Variants in TTC14 observed in about 807,000 individuals in gnomAD.
TTC14 encodes the protein tetratricopeptide repeat protein 14.
A neutral mutation model predicts 79.9 loss-of-function variants in TTC14; 63 were observed. That is an observed-to-expected ratio of 0.79 (90% CI 0.64 to 0.97). The LOEUF (loss-of-function observed/expected upper bound fraction) is 0.97, where lower values mean the gene tolerates loss of function less well. Ranked by LOEUF, TTC14 falls within the 50% of genes least tolerant of loss-of-function variation. The probability of loss-of-function intolerance (pLI) is 0.00; values close to 1 mark genes in which losing one functional copy is unlikely to be tolerated. For synonymous variants in TTC14, 335 were observed against 309.6 expected, an observed-to-expected ratio of 1.08 and a Z score of -0.86; for missense variants, 895 against 894.0, an observed-to-expected ratio of 1.00 and a Z score of -0.01.
rs758347332 is a variant in TTC14 at position 180,610,040 on chromosome 3, A to C, written c.1811A>C (p.Tyr604Ser). The change falls in exon 12 of 12, where the codon TAT becomes TCT. Residue 604 changes from tyrosine (Y) to serine (S), a missense_variant. Physicochemically the swap from Tyr to Ser is moderately radical, Grantham distance 144. Transcript: ENST00000296015. ...GATCCAAGAGATTTTTATAACAGCT[A>C]TAAAACCCAAGCAGGTAGTAGCAAA... ...SEDPRDFYNS[Y>S]KTQAGSSKTE... 3 of 1,614,092 alleles carry C rather than the reference A, an allele frequency of 1.9e-6. No homozygotes were observed. The highest frequency in any genetic ancestry group is 2.2e-5 in the South Asian group (2 of 91,080).
rs763931256 is a variant in TTC14 at position 180,604,864 on chromosome 3, G to A, written c.714G>A (p.Glu238=). ...GTATTTTTTTAAGGAGAAGTGTTGAGCTAAATAGCAATTCTTTGGAGTCCT... is the reference window on the plus strand; with the variant it reads ...GTATTTTTTTAAGGAGAAGTGTTGAACTAAATAGCAATTCTTTGGAGTCCT... ...ELPLYYRRSV[E]LNSNSLESYE... Residue 238 remains glutamate, a synonymous_variant, in exon 6 of 12, where the codon GAG becomes GAA. Transcript: ENST00000296015. 1 of 1,610,282 alleles carries A rather than the reference G, an allele frequency of 6.2e-7. No individual in the cohort carries two copies. Among genetic ancestry groups the A allele is most frequent in the Non-Finnish European group, 8.5e-7 (1 of 1,178,836 alleles).
At chr3:180,605,949 C>T (rs1339504093) in intron 7 of TTC14, 112 bp downstream of exon 7, 4 of 1,093,220 alleles carry the variant, frequency 3.7e-6, no homozygotes, top group Non-Finnish European at 5.3e-6. Flanking sequence ...AAAGTGATGC[C>T]TTTTTGACAT....
intron 3 of TTC14, 121 bp from the exon 4 acceptor site, chr3:180,604,104 A>G (rs774556513): frequency 1.2e-6 from 1 of 820,936 alleles, no homozygotes; most frequent in Non-Finnish European, 2.0e-6. Flanking sequence ...ATCCTTATTT[A>G]AATTTTTACT....
At chr3:180,603,382 A>C (rs752687780) in intron 3 of TTC14, 59 bp downstream of exon 3, 1 of 1,401,294 alleles carries the variant, frequency 7.1e-7, no homozygotes, top group Admixed American at 1.7e-5. Flanking sequence ...TCAATGCAAG[A>C]ACTATATCTT....
intron 9 of TTC14, among the ~76,000 whole-genome samples, chr3:180,607,119 T>C (rs1716741887): frequency 6.6e-6 from 1 of 152,180 alleles, no homozygotes; most frequent in East Asian, 1.9e-4. Flanking sequence ...TAGTAATTTC[T>C]TTTTCCTTCT....
chr3:180,602,622 TG>T, intron 1 of TTC14, 200 bp downstream of exon 1: 1 of 752,830 alleles, frequency 1.3e-6, no homozygotes, highest in Non-Finnish European at 2.1e-6. Flanking sequence ...ACTTTTTCTC[TG>T]GCACTGCTTG....
At chr3:180,602,540 A>T (rs746452364) in intron 1 of TTC14, 118 bp downstream of exon 1, 15 of 1,346,980 alleles carry the variant, frequency 1.1e-5, no homozygotes, top group African/African-American at 1.5e-5. Context: ...GCACAGGACG[A>T]TCGCGCGCTG....
At position 180,604,236 on chromosome 3, in the gene TTC14, C is replaced by T. The variant is rs1050736504; in HGVS notation, c.498C>T (p.Pro166=). 10 of 1,613,258 alleles carry T rather than the reference C, an allele frequency of 6.2e-6. No individual in the cohort carries two copies. In the Middle Eastern group the frequency reaches 1.5e-3, roughly 240 times the overall value. ...IAHLEITALC[P]LRDVPSHSNH... is the part of the protein sequence containing the mutation. ...ACTTCTCATTACAGGCTCTTTGTCC[C>T]TTAAGAGATGTGCCTTCTCACAGTA... Residue 166 remains proline (P), a synonymous_variant, in exon 4 of 12, where the codon CCC becomes CCT. Transcript: ENST00000296015.
At chr3:180,608,445 C>CT in intron 10 of TTC14, 1 of 1,025,744 alleles carries the variant, frequency 9.7e-7, no homozygotes, top group South Asian at 4.5e-5. Flanking sequence ...GGTACCACTG[C>CT]AATGGCTTCC....
At position 180,610,442 on chromosome 3, in the gene TTC14, CAGAA is replaced by C. The variant is rs773652169; in HGVS notation, c.2216_2219del (p.Glu739AlafsTer12). 181 of 1,612,952 alleles carry C rather than the reference CAGAA, an allele frequency of 1.1e-4. No homozygotes were observed. Among genetic ancestry groups the C allele is most frequent in the Non-Finnish European group, 1.5e-4 (173 of 1,179,720 alleles). ...GATGCACTAAGTAGCAAAGAACACT[CAGAA>C]AGCAGTGTTAAGAAAAATTTACCTC... On this transcript the variant is annotated frameshift_variant, in exon 12 of 12. Coordinates refer to ENST00000296015, the MANE Select transcript of TTC14 (RefSeq NM_133462.4). LOFTEE classifies it high-confidence loss of function.
chr3:180,614,978 C>T (rs2108402898), downstream of TTC14: 3 of 1,565,622 alleles, frequency 1.9e-6, no homozygotes, highest in Non-Finnish European at 2.6e-6. Flanking sequence ...CACTAGATGG[C>T]CTAGAAGGGC....
downstream of TTC14, among the ~76,000 whole-genome samples, chr3:180,612,533 GGGA>G (rs922003962): frequency 6.6e-6 from 1 of 152,174 alleles, no homozygotes; most frequent in Non-Finnish European, 1.5e-5. Flanking sequence ...TTGAGGCTGA[GGGA>G]GGAGGATTGC....
chr3:180,604,440 T>A, intron 4 of TTC14, 38 bp from the exon 5 acceptor site: 1 of 1,569,196 alleles, frequency 6.4e-7, no homozygotes, highest in South Asian at 1.2e-5. Context: ...TTACATTTTC[T>A]TACTAATCAG....
rs781770988 is a variant in TTC14, at chr3:180,610,309, C to T, written c.2080C>T (p.Arg694Cys). 1.2e-5 allele frequency: 20 copies of T among 1,613,030 alleles called. No individual in the cohort carries two copies. In the Admixed American group the frequency reaches 1.5e-4, roughly 12 times the overall value. ...CAAAAAATACGCTCACTCTGGATCA[C>T]GTGATTTCAGTAGACATGAGCAAAG... is the stretch of plus-strand genomic sequence containing the variant. ...KYKKYAHSGS[R>C]DFSRHEQRYR... The change falls in exon 12 of 12, where the codon CGT becomes TGT. Residue 694 changes from arginine (R) to cysteine (C), a missense_variant. Arg to Cys is a radical substitution (Grantham distance 180, BLOSUM62 -3). Transcript: ENST00000296015.
rs1193583319 is a variant in TTC14 at position 180,606,753 on chromosome 3, A to C, written c.1172+150A>C. On this transcript the variant is annotated intron_variant, in intron 9 of 11. Transcript: ENST00000296015. The stretch of plus-strand genomic sequence containing the variant: ...TGGGAAAGTACAAGAGATTAGGCAA[A>C]TACTCTTTTCCTAGATAATATACTC... The C allele has an allele frequency of 6.1e-6, 6 of 990,550 alleles. No homozygotes were observed. The African/African-American group carries it at 9.9e-5, about 16-fold the overall frequency. The allele number at this position is 990,550 out of a possible 1,614,324, so 61.4% of individuals were successfully genotyped here. A position where few individuals can be genotyped will look rare whatever the true frequency, so the allele number is the denominator to read the frequency against.
chr3:180,612,395 C>G (rs758955857), downstream of TTC14, among the ~76,000 whole-genome samples: 2 of 152,162 alleles, frequency 1.3e-5, no homozygotes, highest in Non-Finnish European at 2.9e-5. Context: ...GTACCCATTT[C>G]ATAATTTATC....
chr3:180,608,221 G>A, intron 10 of TTC14: 1 of 990,670 alleles, frequency 1.0e-6, no homozygotes, highest in South Asian at 4.6e-5. Context: ...ACTGGAAAAT[G>A]ATTTCCTATG....
intron 5 of TTC14, 56 bp downstream of exon 5, chr3:180,604,663 G>A: frequency 1.3e-6 from 2 of 1,533,838 alleles, no homozygotes; most frequent in East Asian, 4.5e-5. Flanking sequence ...CTTGGATTGA[G>A]GAATACCACA....
In TTC14 at chr3:180,602,204, C is replaced by A. The variant is rs1576915304; in HGVS notation, c.-58C>A. 1 of 1,588,596 alleles carries A rather than the reference C, an allele frequency of 6.3e-7. No homozygotes were observed. The highest frequency in any genetic ancestry group is 8.6e-7 in the Non-Finnish European group (1 of 1,167,074). On this transcript the variant is annotated 5_prime_UTR_variant, in exon 1 of 12. Coordinates refer to ENST00000296015, the MANE Select transcript of TTC14 (RefSeq NM_133462.4). ...TTCCTGTACCACCCGGCTCAAGTAG[C>A]GGACACGGAACAGGGAACTATCAGC...
Sources: gnomAD v4.1 joint callset for allele counts (sites outside exome capture counted in the v4.1 genomes callset) on GRCh38, gnomAD v4.1.1 for gene constraint, MANE v1.5 for transcripts, NCBI Gene and HGNC (gene_info 2026-07-23, HGNC 2026-07-21) for gene names.